ANKS1B: variants seen among roughly 807,000 people sequenced by gnomAD.
The protein encoded by ANKS1B is ankyrin repeat and sterile alpha motif domain containing 1B, also known as ankyrin repeat and sterile alpha motif domain-containing protein 1B.
In ANKS1B, 36 loss-of-function variants were observed where a neutral mutation model predicts 148.3. That is an observed-to-expected ratio of 0.24 (90% CI 0.19 to 0.32). The LOEUF (loss-of-function observed/expected upper bound fraction) is 0.32. Among genes scored for constraint, ANKS1B ranks in the 10% least tolerant of loss-of-function variants. The pLI is 1.00. For synonymous variants in ANKS1B, 542 were observed against 560.8 expected (o/e 0.97, Z 0.47); for missense variants, 1,157 against 1,542.6 (o/e 0.75, Z 4.19).
chr12:99,826,880 G>A (rs1350689763), intron 1 of ANKS1B, among the ~76,000 whole-genome samples: 1 of 152,186 alleles, frequency 6.6e-6, no homozygotes, highest in Non-Finnish European at 1.5e-5. Context: ...GGAGGCTGAG[G>A]AGGGAGGTTC....
intron 1 of ANKS1B, among the ~76,000 whole-genome samples, chr12:99,856,512 A>C (rs979362127): frequency 2.0e-5 from 3 of 152,138 alleles, no homozygotes; most frequent in African/African-American, 7.2e-5. Flanking sequence ...AAAAAGAGGG[A>C]ATCCTCCATA....
At chr12:99,583,643 GCTT>G (rs1471861099) in intron 9 of ANKS1B, among the ~76,000 whole-genome samples, 1 of 152,026 alleles carries the variant, frequency 6.6e-6, no homozygotes, top group Non-Finnish European at 1.5e-5. Context: ...AATTCAGGGT[GCTT>G]CTTTTTTTTC....
At chr12:99,976,114 CAT>C (rs993394303) in intron 1 of ANKS1B, among the ~76,000 whole-genome samples, 24 of 152,274 alleles carry the variant, frequency 1.6e-4, no homozygotes, top group African/African-American at 5.5e-4. Context: ...CCAAATACCA[CAT>C]GTTCTCACTT....
In ANKS1B at chr12:99,708,914, C is replaced by T. The variant is rs558118505; in HGVS notation, c.1129-53704G>A. On this transcript the variant is annotated intron_variant, in intron 8 of 26. Coordinates refer to ENST00000683438, the MANE Select transcript of ANKS1B (RefSeq NM_001352186.2). Reference sequence around the variant, plus strand: ...ATAAATGTTTTAATTGGAAGCTGTTCGTCTGTGGTAAAGAGTTTATTACTC... The same window carrying T: ...ATAAATGTTTTAATTGGAAGCTGTTTGTCTGTGGTAAAGAGTTTATTACTC... 7.9e-5 allele frequency among the ~76,000 whole-genome samples: 12 copies of T among 152,074 alleles called. No individual in the cohort carries two copies. The East Asian group carries it at 1.9e-3, about 25-fold the overall frequency.
chr12:99,349,213 G>A (rs1253711581), intron 12 of ANKS1B, among the ~76,000 whole-genome samples: 1 of 151,844 alleles, frequency 6.6e-6, no homozygotes, highest in Non-Finnish European at 1.5e-5. Flanking sequence ...AACCAAAAGG[G>A]ATTACAAAAG....
chr12:99,095,734 GT>G (rs2055829394), intron 15 of ANKS1B, among the ~76,000 whole-genome samples: 1 of 152,158 alleles, frequency 6.6e-6, no homozygotes, highest in Non-Finnish European at 1.5e-5. Flanking sequence ...GCAGACAGGG[GT>G]ATGATAACAT....
chr12:99,836,510 G>A (rs546164735), intron 1 of ANKS1B, among the ~76,000 whole-genome samples: 3 of 152,068 alleles, frequency 2.0e-5, no homozygotes, highest in South Asian at 2.1e-4. Context: ...CAGCAAATGC[G>A]AATTGAATGA....
chr12:99,398,181 G>C (rs563840584), intron 12 of ANKS1B, among the ~76,000 whole-genome samples: 1 of 152,240 alleles, frequency 6.6e-6, no homozygotes, highest in South Asian at 2.1e-4. Flanking sequence ...CGGCTTCCAT[G>C]AAAGTTTGGA....
At chr12:99,667,054 T>C (rs2098511895) in intron 8 of ANKS1B, among the ~76,000 whole-genome samples, 1 of 152,112 alleles carries the variant, frequency 6.6e-6, no homozygotes, top group Admixed American at 6.5e-5. Flanking sequence ...AATTTTAAAA[T>C]TGAATTTTCA....
intron 1 of ANKS1B, among the ~76,000 whole-genome samples, chr12:99,849,103 C>T (rs1267926715): frequency 6.6e-6 from 1 of 151,992 alleles, no homozygotes; most frequent in Non-Finnish European, 1.5e-5. Flanking sequence ...ATGCTCACTA[C>T]CTGGATGATG....
chr12:99,309,994 A>T (rs550313586), intron 12 of ANKS1B, among the ~76,000 whole-genome samples: 1 of 152,296 alleles, frequency 6.6e-6, no homozygotes, highest in East Asian at 1.9e-4. Context: ...GTGGATCCAC[A>T]TAGTGTTGCT....
chr12:99,849,785 G>A (rs556464410), intron 1 of ANKS1B, among the ~76,000 whole-genome samples: 20 of 152,156 alleles, frequency 1.3e-4, no homozygotes, highest in African/African-American at 4.8e-4. Context: ...GTTGAAAAAC[G>A]AAAACAGGAC....
At chr12:99,540,272 C>G (rs1368831076) in intron 9 of ANKS1B, among the ~76,000 whole-genome samples, 13 of 152,000 alleles carry the variant, frequency 8.6e-5, no homozygotes. Flanking sequence ...GAACATCAAC[C>G]AGCAAACAGA....
chr12:98,768,605 G>C (rs1011508089), intron 25 of ANKS1B, among the ~76,000 whole-genome samples: 3 of 151,638 alleles, frequency 2.0e-5, no homozygotes, highest in African/African-American at 7.3e-5. Context: ...GTGCTGGCGG[G>C]TGCCTGTAGT....
intron 12 of ANKS1B, among the ~76,000 whole-genome samples, chr12:99,384,805 A>G (rs1420319035): frequency 6.6e-6 from 1 of 152,216 alleles, no homozygotes; most frequent in East Asian, 1.9e-4. Context: ...TGTACTTACT[A>G]TAATAACATT....
At chr12:98,937,001 C>A (rs1196204251) in intron 17 of ANKS1B, among the ~76,000 whole-genome samples, 1 of 152,094 alleles carries the variant, frequency 6.6e-6, no homozygotes. Flanking sequence ...TACTCTGTAT[C>A]TTTAGGTCTT....
intron 17 of ANKS1B, among the ~76,000 whole-genome samples, chr12:98,975,494 C>T (rs1045289681): frequency 6.6e-6 from 1 of 151,972 alleles, no homozygotes; most frequent in African/African-American, 2.4e-5. Flanking sequence ...TGTGCCAAGA[C>T]CCGGTATAAG....
At chr12:99,244,607 T>G (rs971859711) in intron 13 of ANKS1B, among the ~76,000 whole-genome samples, 193 bp from the exon 14 acceptor site, 1 of 152,258 alleles carries the variant, frequency 6.6e-6, no homozygotes, top group Non-Finnish European at 1.5e-5. Context: ...ATGTAAAGTA[T>G]GTTCCCCTTT....
intron 1 of ANKS1B, among the ~76,000 whole-genome samples, chr12:99,867,181 G>C (rs370368826): frequency 3.9e-5 from 6 of 152,228 alleles, no homozygotes; most frequent in African/African-American, 1.4e-4. Context: ...TCAAGATTTT[G>C]TTAATATTGC....
Sources: allele counts gnomAD v4.1 joint callset (sites outside exome capture counted in the v4.1 genomes callset), GRCh38; gene constraint gnomAD v4.1.1; transcripts MANE v1.5; gene names NCBI Gene and HGNC (gene_info 2026-07-23, HGNC 2026-07-21).